Variants in GABRB3 observed in about 807,000 individuals in gnomAD.
GABRB3 encodes the protein gamma-aminobutyric acid receptor subunit beta-3.
Under a neutral mutation model 52.1 loss-of-function variants are expected in GABRB3, and 14 were observed. That is an observed-to-expected ratio of 0.27 (90% CI 0.18 to 0.42). The LOEUF is 0.42. Ranked by LOEUF, GABRB3 falls within the 10% of genes least tolerant of loss-of-function variation. The pLI is 1.00. For missense variants in GABRB3, 307 were observed against 609.1 expected (o/e 0.50, Z 5.22); for synonymous variants, 260 against 232.3 (o/e 1.12, Z -1.08).
At chr15:26,660,749 C>T (rs1397184543) in intron 3 of GABRB3, among the ~76,000 whole-genome samples, 2 of 152,190 alleles carry the variant, frequency 1.3e-5, no homozygotes, top group African/African-American at 4.8e-5. Context: ...CTGCTAGGTA[C>T]ACCACAAAGA....
intron 4 of GABRB3, among the ~76,000 whole-genome samples, chr15:26,589,959 C>A (rs1458229592): frequency 1.3e-5 from 2 of 152,170 alleles, no homozygotes; most frequent in East Asian, 3.9e-4. Flanking sequence ...TCAGCGGGGA[C>A]ACATTCCCGC....
chr15:26,614,622 A>C (rs1255757397), intron 4 of GABRB3: 1 of 152,174 alleles, frequency 6.6e-6, no homozygotes, highest in Non-Finnish European at 1.5e-5. Context: ...GGCTGCATAA[A>C]AATCACACGA....
intron 3 of GABRB3, among the ~76,000 whole-genome samples, chr15:26,658,077 GTGGTA>G (rs1461219659): frequency 1.3e-5 from 2 of 152,188 alleles, no homozygotes; most frequent in African/African-American, 4.8e-5. Context: ...ACTGATGTTT[GTGGTA>G]TTTTTCAGAC....
intron 3 of GABRB3, among the ~76,000 whole-genome samples, chr15:26,740,954 T>C (rs117912621): frequency 1.3e-5 from 2 of 152,060 alleles, no homozygotes; most frequent in South Asian, 4.1e-4. Context: ...CGGAGCCGAC[T>C]CTGAGTCAGA....
In GABRB3 at chr15:26,547,328, A is replaced by T; in HGVS notation, c.*465T>A. The T allele has an allele frequency of 2.4e-6, 1 of 408,358 alleles. No homozygotes were observed. Among genetic ancestry groups the T allele is most frequent in the Non-Finnish European group, 4.3e-6 (1 of 231,554 alleles). 25.3% of individuals were successfully genotyped at this position (408,358 alleles called of 1,614,324 possible). A position where few individuals can be genotyped will look rare whatever the true frequency, so the allele number is the denominator to read the frequency against. ...AGCAATACCACTGTATGAGTTTTCA[A>T]AGATTAACTAAGAATGTCTTTCTGA... On this transcript the variant is annotated 3_prime_UTR_variant, in exon 9 of 9. Transcript: ENST00000311550.
intron 4 of GABRB3, among the ~76,000 whole-genome samples, chr15:26,592,900 A>G (rs1891258006): frequency 6.6e-6 from 1 of 152,178 alleles, no homozygotes; most frequent in Admixed American, 6.6e-5. Context: ...CTTTAGTCCC[A>G]GCTACTTGGG....
Position 26,772,983 on chromosome 15 carries a change from C to CG in GABRB3, c.-22dup. 2 of 1,389,228 alleles carry CG rather than the reference C, an allele frequency of 1.4e-6. No individual in the cohort carries two copies. The highest frequency in any genetic ancestry group is 1.9e-6 in the Non-Finnish European group (2 of 1,062,152). 86.1% of individuals were successfully genotyped at this position (1,389,228 alleles called of 1,614,324 possible). ...CACATCCCTCCGCCGCGCCCCGGCA[C>CG]GGGGGAGGGGGCGCCCCGCCGCCGT... On this transcript the variant is annotated 5_prime_UTR_variant, in exon 1 of 9. Transcript: ENST00000311550.
intron 3 of GABRB3, among the ~76,000 whole-genome samples, chr15:26,762,597 C>A (rs188326107): frequency 7.9e-5 from 12 of 152,032 alleles, no homozygotes; most frequent in African/African-American, 2.4e-4. Context: ...TTTGCAAAAT[C>A]ATTAATGTAT....
chr15:26,692,240 C>A (rs1363207410), intron 3 of GABRB3, among the ~76,000 whole-genome samples: 3 of 152,226 alleles, frequency 2.0e-5, no homozygotes, highest in South Asian at 2.1e-4. Context: ...AATCCCTTTT[C>A]TGGTTTGTGG....
chr15:26,624,102 T>C, intron 3 of GABRB3: 2 of 695,660 alleles, frequency 2.9e-6, no homozygotes, highest in Non-Finnish European at 3.5e-6. Context: ...TGCTGAGTGG[T>C]GGGTAAAGCA....
chr15:26,657,809 C>A (rs1165632839), intron 3 of GABRB3, among the ~76,000 whole-genome samples: 1 of 152,102 alleles, frequency 6.6e-6, no homozygotes, highest in African/African-American at 2.4e-5. Flanking sequence ...TCTAAGTTGC[C>A]CTTGGTTCAT....
chr15:26,674,400 C>CAAAAAAAAAAAAAAA (rs55723767), intron 3 of GABRB3, among the ~76,000 whole-genome samples: 16 of 86,766 alleles, frequency 1.8e-4, no homozygotes, highest in East Asian at 6.2e-4. Context: ...GACTCAGTTT[C>CAAAAAAAAAAAAAAA]AAAAAAAAAA....
At chr15:26,617,661 C>T (rs1036645030) in intron 4 of GABRB3, among the ~76,000 whole-genome samples, 21 of 151,634 alleles carry the variant, frequency 1.4e-4, no homozygotes, top group African/African-American at 5.1e-4. Flanking sequence ...GAAGTTCTGG[C>T]CAGGGCAATT....
chr15:26,761,702 G>A (rs1814914544), intron 3 of GABRB3, among the ~76,000 whole-genome samples: 2 of 152,154 alleles, frequency 1.3e-5, no homozygotes, highest in South Asian at 4.1e-4. Flanking sequence ...GGAATCTCCA[G>A]GTATCCAAGG....
intron 4 of GABRB3, among the ~76,000 whole-genome samples, chr15:26,597,180 G>C (rs1891423321): frequency 1.3e-5 from 2 of 152,156 alleles, no homozygotes; most frequent in South Asian, 4.1e-4. Context: ...AGTGAGTTTT[G>C]GAACTCAAGG....
At chr15:26,773,501 G>A (rs1044949379), upstream of GABRB3, 23 of 491,054 alleles carry the variant, frequency 4.7e-5, no homozygotes, top group African/African-American at 2.3e-4. Flanking sequence ...CGCCTACCCC[G>A]GCCGCCGAAG....
chr15:26,568,684 G>GTTTTTTTTTTTTTT (rs1890278876), intron 6 of GABRB3, among the ~76,000 whole-genome samples: 1 of 133,670 alleles, frequency 7.5e-6, no homozygotes, highest in African/African-American at 2.7e-5. Context: ...TTTTTTTTTG[G>GTTTTTTTTTTTTTT]TTTTGTATGT....
chr15:26,570,061 G>A lies in GABRB3; in HGVS notation c.683-2328C>T, dbSNP rs142845205. Among the ~76,000 whole-genome samples, 688 of 152,280 alleles carry A rather than the reference G, an allele frequency of 4.5e-3. 7 individuals carry two copies. The highest frequency in any genetic ancestry group is 0.015 in the African/African-American group (644 of 41,564). On this transcript the variant is annotated intron_variant, in intron 6 of 8. Transcript: ENST00000311550. ...GTTGTAAACCTTGTAATGGCTTTGA[G>A]TGGAGGACACACAGATCCCTAACTT...
rs1271840701 is a variant in GABRB3, at chr15:26,716,943, C to T, written c.240+55459G>A. Among the ~76,000 whole-genome samples the T allele has an allele frequency of 2.9e-4, 41 of 142,010 alleles. 5 individuals carry two copies. Among genetic ancestry groups the T allele is most frequent in the Non-Finnish European group, 5.4e-4 (35 of 64,386 alleles). 93.2% of individuals were successfully genotyped at this position (142,010 alleles called of 152,430 possible). On this transcript the variant is annotated intron_variant, in intron 3 of 8. Transcript: ENST00000311550. ...TCTGGGGACCTCCACCCAACCACAG[C>T]CCAGCTCTGAGGACCTCCACCCAAT... is the stretch of plus-strand genomic sequence containing the variant.
Sources: allele counts gnomAD v4.1 joint callset (sites outside exome capture counted in the v4.1 genomes callset), GRCh38; gene constraint gnomAD v4.1.1; transcripts MANE v1.5; gene names NCBI Gene and HGNC (gene_info 2026-07-23, HGNC 2026-07-21).